Variants in COG5 observed in about 807,000 individuals in gnomAD.
COG5 encodes component of oligomeric golgi complex 5, also known as conserved oligomeric Golgi complex subunit 5.
A neutral mutation model predicts 110.4 loss-of-function variants in COG5; 86 were observed. The ratio of observed to expected loss-of-function variants is 0.78; its 90% CI spans 0.65 to 0.93. The LOEUF is 0.93. Ranked by LOEUF, COG5 falls within the 40% of genes least tolerant of loss-of-function variation. The pLI is 0.00. For missense variants in COG5, 1,077 were observed against 987.0 expected (o/e 1.09, Z -1.22); for synonymous variants, 360 against 334.6 (o/e 1.08, Z -0.83).
chr7:107,506,381 G>A (rs572797509), intron 6 of COG5, among the ~76,000 whole-genome samples: 1 of 152,196 alleles, frequency 6.6e-6, no homozygotes, highest in Non-Finnish European at 1.5e-5. Context: ...CTACCAGGGT[G>A]GCTGGAGGGG....
intron 5 of COG5, among the ~76,000 whole-genome samples, chr7:107,537,385 T>C (rs1584944528): frequency 6.6e-6 from 1 of 152,222 alleles, no homozygotes; most frequent in East Asian, 1.9e-4. Context: ...GTGGCACATA[T>C]ACACCACGGA....
At chr7:107,390,665 A>G (rs754397841) in intron 7 of COG5, among the ~76,000 whole-genome samples, 2 of 151,144 alleles carry the variant, frequency 1.3e-5, no homozygotes, top group East Asian at 3.9e-4. Context: ...ATGCAAGATC[A>G]TCTCCTGGTT....
chr7:107,505,241 G>A (rs1798908138), intron 6 of COG5, among the ~76,000 whole-genome samples: 1 of 152,218 alleles, frequency 6.6e-6, no homozygotes, highest in Non-Finnish European at 1.5e-5. Flanking sequence ...TTTGGCTAAA[G>A]CAGGTGGGTA....
intron 11 of COG5, among the ~76,000 whole-genome samples, chr7:107,316,947 T>C (rs1489863489): frequency 6.6e-6 from 1 of 152,178 alleles, no homozygotes; most frequent in Admixed American, 6.5e-5. Context: ...AATCATTATT[T>C]AAATTTGAAT....
chr7:107,345,046 G>A (rs1050751080), intron 10 of COG5, among the ~76,000 whole-genome samples: 1 of 152,110 alleles, frequency 6.6e-6, no homozygotes, highest in Non-Finnish European at 1.5e-5. Flanking sequence ...ACACTTAGAG[G>A]TCACTGTAGG....
intron 3 of COG5, 133 bp downstream of exon 3, chr7:107,554,152 C>A: frequency 1.4e-6 from 1 of 735,452 alleles, no homozygotes. Flanking sequence ...TCTACAATGG[C>A]AGAGTTTAGT....
chr7:107,282,812 C>G (rs1334031780), intron 13 of COG5, among the ~76,000 whole-genome samples: 1 of 152,148 alleles, frequency 6.6e-6, no homozygotes, highest in East Asian at 1.9e-4. Flanking sequence ...CATGCCTGGC[C>G]ACCTGTGGCT....
intron 6 of COG5, among the ~76,000 whole-genome samples, chr7:107,509,629 T>C (rs1799337118): frequency 6.6e-6 from 1 of 152,086 alleles, no homozygotes; most frequent in South Asian, 2.1e-4. Context: ...AAGGACAAAA[T>C]GTTAAGGGCA....
chr7:107,246,271 A>G (rs1009272430), intron 17 of COG5, among the ~76,000 whole-genome samples: 2 of 152,186 alleles, frequency 1.3e-5, no homozygotes, highest in Non-Finnish European at 2.9e-5. Context: ...CTGGAAGACA[A>G]CCTAGGCAAT....
At chr7:107,346,363 T>A (rs1811597654) in intron 10 of COG5, among the ~76,000 whole-genome samples, 1 of 152,114 alleles carries the variant, frequency 6.6e-6, no homozygotes, top group Admixed American at 6.5e-5. Flanking sequence ...GGGAAACAAC[T>A]GTGACTGGAA....
At chr7:107,518,110 AG>A (rs1422230688) in intron 6 of COG5, among the ~76,000 whole-genome samples, 6 of 152,204 alleles carry the variant, frequency 3.9e-5, no homozygotes, top group African/African-American at 1.4e-4. Context: ...GCAAATGCTA[AG>A]GGATTTCATC....
chr7:107,471,037 G>A (rs902946195), intron 6 of COG5, among the ~76,000 whole-genome samples: 1 of 151,922 alleles, frequency 6.6e-6, no homozygotes, highest in Non-Finnish European at 1.5e-5. Flanking sequence ...ATAACAGTAT[G>A]TTTAGTGTAT....
chr7:107,333,553 T>C lies in COG5; in HGVS notation c.1027-9032A>G, dbSNP rs117139608. 7.2e-3 allele frequency among the ~76,000 whole-genome samples: 1,103 copies of C among 152,230 alleles called. 40 individuals carry two copies. The East Asian group carries it at 0.077, about 11-fold the overall frequency. On this transcript the variant is annotated intron_variant, in intron 10 of 21. Transcript: ENST00000297135. ...TTGTTTTATAAAATAAGAGCTTAGA[T>C]TAATGAGGCAGTCAAAGATAGTGAA...
At chr7:107,539,334 A>C (rs142069502) in intron 5 of COG5, among the ~76,000 whole-genome samples, 3 of 152,222 alleles carry the variant, frequency 2.0e-5, no homozygotes, top group East Asian at 3.9e-4. Context: ...TCTTTTACTT[A>C]AAGTTGCAGT....
intron 6 of COG5, among the ~76,000 whole-genome samples, chr7:107,434,328 C>CA (rs1295509192): frequency 1.3e-5 from 2 of 151,982 alleles, no homozygotes; most frequent in Non-Finnish European, 2.9e-5. Flanking sequence ...GGCATACACC[C>CA]AAAAAAATGG....
Position 107,474,111 on chromosome 7 carries a change from T to C in COG5, c.538+53126A>G. On this transcript the variant is annotated intron_variant, in intron 6 of 21. Transcript: ENST00000297135. This position sits in a 1 kb window ranked among gnomAD's most constrained non-coding sequence, Gnocchi z 5.7. ...TCAACATGCAGTCTGAATCTAACAT[T>C]ACAGTGCGAGATGACATTGATGACA... 6.2e-7 allele frequency: 1 copy of C among 1,607,316 alleles called. No individual in the cohort carries two copies. The highest frequency in any genetic ancestry group is 1.1e-5 in the South Asian group (1 of 90,090).
At chr7:107,323,375 A>G (rs1167072352) in intron 11 of COG5, among the ~76,000 whole-genome samples, 1 of 151,966 alleles carries the variant, frequency 6.6e-6, no homozygotes, top group Non-Finnish European at 1.5e-5. Flanking sequence ...CTAAAAATAC[A>G]AAAAAATTAG....
chr7:107,304,481 T>G (rs1373094104), intron 11 of COG5, among the ~76,000 whole-genome samples: 1 of 152,248 alleles, frequency 6.6e-6, no homozygotes, highest in Non-Finnish European at 1.5e-5. Flanking sequence ...AACAAATGAA[T>G]TGAAAGTAGA....
chr7:107,525,914 C>G (rs961023480), intron 6 of COG5, among the ~76,000 whole-genome samples: 2 of 152,106 alleles, frequency 1.3e-5, no homozygotes, highest in African/African-American at 4.8e-5. Flanking sequence ...ATGACATTTT[C>G]CAAGCCTACT....
Sources: allele counts gnomAD v4.1 joint callset (sites outside exome capture counted in the v4.1 genomes callset), GRCh38; gene constraint gnomAD v4.1.1; non-coding constraint Gnocchi (gnomAD v3.1); transcripts MANE v1.5; gene names NCBI Gene and HGNC (gene_info 2026-07-23, HGNC 2026-07-21).